MACF1: variants seen among roughly 807,000 people sequenced by gnomAD.
The protein encoded by MACF1 is microtubule actin crosslinking factor 1.
Under a neutral mutation model 854.8 loss-of-function variants are expected in MACF1, and 193 were observed. The observed-to-expected ratio is 0.23, with a 90% CI of 0.20 to 0.25. MACF1 has a LOEUF of 0.25. MACF1 is among the 10% of genes least tolerant of loss of function. MACF1 has a pLI of 1.00. For missense variants in MACF1, 7,722 were observed against 8,929.1 expected (o/e 0.86, Z 5.45); for synonymous variants, 3,185 against 3,226.7 (o/e 0.99, Z 0.44).
In MACF1 at chr1:39,180,873, C is replaced by A. The variant is rs536193; in HGVS notation, c.221-50309C>A. ...TTTGGGAACTTGTTGAAAATTGTTG[C>A]TTTGCAGTACAAAAGACACTCTGTT... On this transcript the variant is annotated intron_variant, in intron 2 of 93. Transcript: ENST00000361689. 4.9e-3 allele frequency among the ~76,000 whole-genome samples: 748 copies of A among 152,120 alleles called. 5 individuals carry two copies. Among genetic ancestry groups the A allele is most frequent in the African/African-American group, 0.017 (720 of 41,474 alleles).
chr1:39,319,981 C>G (rs893265494), intron 31 of MACF1, among the ~76,000 whole-genome samples: 2 of 152,118 alleles, frequency 1.3e-5, no homozygotes, highest in Non-Finnish European at 2.9e-5. Flanking sequence ...GACCGTAGGC[C>G]CTTTAAACTT....
chr1:39,477,112 CTTAGTGTATATATATATAT>C lies in MACF1; in HGVS notation c.21959-2685_21959-2667del, dbSNP rs1364419376. Among the ~76,000 whole-genome samples, 243 of 83,344 alleles carry C rather than the reference CTTAGTGTATATATATATAT, an allele frequency of 2.9e-3. 16 individuals are homozygous for C. The highest frequency in any genetic ancestry group is 0.01 in the African/African-American group (223 of 21,752). 54.7% of individuals were successfully genotyped at this position (83,344 alleles called of 152,430 possible). A position where few individuals can be genotyped will look rare whatever the true frequency, so the allele number is the denominator to read the frequency against. On this transcript the variant is annotated intron_variant, in intron 97 of 100. Coordinates refer to ENST00000564288, the MANE Select transcript of MACF1 (RefSeq NM_001394062.1). The stretch of plus-strand genomic sequence containing the variant: ...ATATACACACACACACATATATACA[CTTAGTGTATATATATATAT>C]ATATACACACACACACACACACAGA...
intron 2 of MACF1, among the ~76,000 whole-genome samples, chr1:39,245,016 A>G (rs533914737): frequency 1.3e-5 from 2 of 152,206 alleles, no homozygotes; most frequent in Non-Finnish European, 2.9e-5. Flanking sequence ...CTTGGCCAGT[A>G]GTTTTATTTT....
chr1:39,090,743 C>T (rs1318826741), intron 2 of MACF1, among the ~76,000 whole-genome samples: 2 of 152,184 alleles, frequency 1.3e-5, no homozygotes, highest in Non-Finnish European at 2.9e-5. Context: ...CATCATTTCT[C>T]AGTCTCATGG....
rs748573379 is a variant in MACF1, at chr1:39,411,020, C to A, written c.15817-11354C>A. Reference sequence around the variant, plus strand: ...GGTAACACAGATGTAATGCAGGAATCCAGATTCTCAAGTGCAACCTGGCCG... The same window carrying A: ...GGTAACACAGATGTAATGCAGGAATACAGATTCTCAAGTGCAACCTGGCCG... On this transcript the variant is annotated intron_variant, in intron 58 of 100. Coordinates refer to ENST00000564288, the MANE Select transcript of MACF1 (RefSeq NM_001394062.1). 3.7e-6 allele frequency: 6 copies of A among 1,613,976 alleles called. No homozygotes were observed. In the East Asian group the frequency reaches 1.3e-4, roughly 36 times the overall value.
intron 2 of MACF1, among the ~76,000 whole-genome samples, chr1:39,095,283 C>T (rs188557648): frequency 5.3e-5 from 8 of 152,188 alleles, no homozygotes; most frequent in Admixed American, 3.9e-4. Context: ...GGGAAGGCGG[C>T]TGGGTGCGGT....
At chr1:39,414,476 A>T in intron 58 of MACF1, 2 of 1,613,998 alleles carry the variant, frequency 1.2e-6, no homozygotes, top group Non-Finnish European at 1.7e-6. Flanking sequence ...AATTCAGATG[A>T]GGTAATTGTC....
At chr1:39,360,326 G>T (rs1648076343) in intron 47 of MACF1, among the ~76,000 whole-genome samples, 1 of 151,572 alleles carries the variant, frequency 6.6e-6, no homozygotes. Flanking sequence ...ATCATTAATT[G>T]TGATGCATCT....
At chr1:39,193,837 T>A (rs1022129089) in intron 2 of MACF1, among the ~76,000 whole-genome samples, 1 of 150,886 alleles carries the variant, frequency 6.6e-6, no homozygotes, top group Admixed American at 6.6e-5. Context: ...AAGAGTGAGT[T>A]TTCTTTTTTC....
At chr1:39,213,330 TA>T (rs1407154001) in intron 1 of MACF1, among the ~76,000 whole-genome samples, 2 of 152,158 alleles carry the variant, frequency 1.3e-5, no homozygotes, top group Non-Finnish European at 2.9e-5. Context: ...TCAGATAATT[TA>T]TTTTTTTATT....
At position 39,388,253 on chromosome 1, in the gene MACF1, C is replaced by G; in HGVS notation, c.15411C>G (p.Asp5137Glu). Residue 5137 changes from aspartate (D) to glutamate (E), a missense_variant, in exon 58 of 101, where the codon GAC (aspartate) becomes GAG (glutamate). Physicochemically the swap from Asp to Glu is conservative, Grantham distance 45 (BLOSUM62 2). Around this residue, in one of 15 missense-constraint regions of MACF1, gnomAD observed 2,807 missense variants for 3,235.8 expected, o/e 0.87. Coordinates refer to ENST00000564288, the MANE Select transcript of MACF1 (RefSeq NM_001394062.1). ...GAGAGATGTTCTCTCAATTGGCAGA[C>G]CTGGATGATGAGCTAGATGGCATGG... Reference protein sequence around the residue: ...RVREMFSQLADLDDELDGMGA... With the variant: ...RVREMFSQLAELDDELDGMGA... The G allele has an allele frequency of 6.2e-7, 1 of 1,614,156 alleles. No individual in the cohort carries two copies. Among genetic ancestry groups the G allele is most frequent in the Non-Finnish European group, 8.5e-7 (1 of 1,180,026 alleles).
At chr1:39,209,857 G>C (rs918154024) in intron 1 of MACF1, among the ~76,000 whole-genome samples, 1 of 152,112 alleles carries the variant, frequency 6.6e-6, no homozygotes, top group Non-Finnish European at 1.5e-5. Context: ...GGGAGGTCAA[G>C]GCATGGGGAT....
chr1:39,334,788 A>T lies in MACF1; in HGVS notation c.8200A>T (p.Ile2734Leu). ...GGTGTTAAATGGAGGAATTGTTGAC[A>T]TATTTAGTGATCAGAGAGTGACTTT... ...HQVLNGGIVD[I>L]FSDQRVTLVE... The change falls in exon 37 of 101, where the codon ATA becomes TTA. Residue 2734 changes from isoleucine to leucine, a missense_variant. Transcript: ENST00000564288. The T allele has an allele frequency of 6.2e-7, 1 of 1,614,182 alleles. No homozygotes were observed. The highest frequency in any genetic ancestry group is 8.5e-7 in the Non-Finnish European group (1 of 1,180,014).
chr1:39,332,773 G>A lies in MACF1; in HGVS notation c.6185G>A (p.Gly2062Asp), dbSNP rs368394907. Residue 2062 changes from glycine to aspartate, a missense_variant, in exon 37 of 101, where the codon GGC becomes GAC. This residue lies in a region of MACF1 where 1,531 missense variants were observed against 1,601.6 expected (regional missense o/e 0.96). Coordinates refer to ENST00000564288, the MANE Select transcript of MACF1 (RefSeq NM_001394062.1). ...PDREDCTTEK[G>D]KKTTVETEDS... ...CGGGAAGATTGCACTACAGAAAAAG[G>A]CAAAAAGACCACTGTAGAAACAGAA... The A allele has an allele frequency of 3.7e-6, 6 of 1,613,978 alleles. No homozygotes were observed. Among genetic ancestry groups the A allele is most frequent in the Non-Finnish European group, 5.1e-6 (6 of 1,180,022 alleles).
Position 39,272,595 on chromosome 1 carries a change from T to C in MACF1, c.529-9613T>C, listed in dbSNP as rs190103652. ...AATAATTTGAGTTCCAGCCAGACTG[T>C]CTCCTCTGTTGATTAGTCCAGGGCT... On this transcript the variant is annotated intron_variant, in intron 6 of 100. Transcript: ENST00000564288. 5.6e-4 allele frequency among the ~76,000 whole-genome samples: 86 copies of C among 152,292 alleles called. 1 individual carries two copies. Among genetic ancestry groups the C allele is most frequent in the African/African-American group, 2.0e-3 (85 of 41,556 alleles).
At chr1:39,326,742 A>G (rs775405457) in intron 35 of MACF1, among the ~76,000 whole-genome samples, 4 of 151,956 alleles carry the variant, frequency 2.6e-5, no homozygotes, top group Non-Finnish European at 5.9e-5. Flanking sequence ...AATATGTAAA[A>G]TAGTAAATTG....
At chr1:39,442,633 CTT>C in intron 77 of MACF1, 66 bp downstream of exon 77, 1 of 1,603,924 alleles carries the variant, frequency 6.2e-7, no homozygotes, top group Non-Finnish European at 8.5e-7. Flanking sequence ...CACCAGCAGC[CTT>C]TGAATGTTGT....
At chr1:39,366,318 G>T (rs1020214561) in intron 49 of MACF1, among the ~76,000 whole-genome samples, 2 of 151,938 alleles carry the variant, frequency 1.3e-5, no homozygotes, top group Admixed American at 6.6e-5. Context: ...TGTTTTTCAG[G>T]AGTGTTTTTG....
chr1:39,114,417 A>C (rs567580604), intron 2 of MACF1, among the ~76,000 whole-genome samples: 32 of 152,206 alleles, frequency 2.1e-4, no homozygotes, highest in African/African-American at 7.7e-4. Flanking sequence ...ATACATAAGA[A>C]GTGTAAAAAG....
Sources: gnomAD v4.1 joint callset for allele counts (sites outside exome capture counted in the v4.1 genomes callset) on GRCh38, gnomAD v4.1.1 for gene constraint, gnomAD v4.1.1 regional missense constraint, MANE v1.5 for transcripts, NCBI Gene and HGNC (gene_info 2026-07-23, HGNC 2026-07-21) for gene names.